Variants in SPATA7 observed in about 807,000 individuals in gnomAD.
The protein encoded by SPATA7 is spermatogenesis associated 7.
SPATA7 carries 43 observed loss-of-function variants against 51.8 expected under a neutral mutation model. The observed-to-expected ratio is 0.83, with a 90% CI of 0.65 to 1.07. SPATA7 has a LOEUF of 1.07. Ranked by LOEUF, SPATA7 falls within the 50% of genes least tolerant of loss-of-function variation. The pLI, the probability that SPATA7 is intolerant of heterozygous loss-of-function variation, is 0.00. For synonymous variants in SPATA7, 230 were observed against 252.8 expected (o/e 0.91, Z 0.86); for missense variants, 683 against 701.3 (o/e 0.97, Z 0.30).
intron 1 of SPATA7, 48 bp from the exon 2 acceptor site, chr14:88,391,333 G>C: frequency 7.1e-7 from 1 of 1,406,632 alleles, no homozygotes; most frequent in South Asian, 1.2e-5. Flanking sequence ...TTTTGTAAAA[G>C]TTGTGTTTCA....
At chr14:88,435,625 C>T (rs949550029) in intron 10 of SPATA7, among the ~76,000 whole-genome samples, 10 of 152,070 alleles carry the variant, frequency 6.6e-5, no homozygotes, top group African/African-American at 2.4e-4. Flanking sequence ...CTCTCTATGC[C>T]CATGAGTTCA....
At chr14:88,437,621 T>G (rs537125422) in intron 11 of SPATA7, 24 bp downstream of exon 11, 2 of 1,539,518 alleles carry the variant, frequency 1.3e-6, no homozygotes, top group East Asian at 4.5e-5. Context: ...TATAACTTCA[T>G]TAGAAAAATT....
intron 9 of SPATA7, chr14:88,432,522 A>G (rs904560765): frequency 6.6e-6 from 1 of 152,252 alleles, no homozygotes; most frequent in African/African-American, 2.4e-5. Flanking sequence ...AGTGTGTTCA[A>G]GTAGTTAAAA....
chr14:88,433,168 A>T lies in SPATA7; in HGVS notation c.1116A>T (p.Glu372Asp). ...EEELLYLSFI[E>D]DVTDEILKLG... ...AACTGTTGTATCTGAGTTTCATTGA[A>T]GATGTAACAGATGAAATTTTGAAAC... The change falls in exon 10 of 12, where the codon GAA becomes GAT. Residue 372 changes from glutamate (E) to aspartate (D), a missense_variant. By Grantham distance (45) the Glu-to-Asp change is conservative. Transcript: ENST00000393545. 1 of 1,611,780 alleles carries T rather than the reference A, an allele frequency of 6.2e-7. No individual in the cohort carries two copies. The highest frequency in any genetic ancestry group is 8.5e-7 in the Non-Finnish European group (1 of 1,179,398).
downstream of SPATA7, among the ~76,000 whole-genome samples, chr14:88,442,339 G>T (rs2077183683): frequency 6.6e-6 from 1 of 152,046 alleles, no homozygotes; most frequent in South Asian, 2.1e-4. Context: ...ACAGGCACCT[G>T]CCACCATGCC....
chr14:88,397,956 C>T (rs1021077968), intron 4 of SPATA7, among the ~76,000 whole-genome samples: 2 of 151,922 alleles, frequency 1.3e-5, no homozygotes, highest in Non-Finnish European at 2.9e-5. Flanking sequence ...GTGGTGGGCA[C>T]CTGTAGTCCC....
chr14:88,424,957 A>G (rs2076748287), intron 5 of SPATA7, among the ~76,000 whole-genome samples: 1 of 152,180 alleles, frequency 6.6e-6, no homozygotes, highest in Non-Finnish European at 1.5e-5. Context: ...TCCCAGAAAA[A>G]GAGTTAAAAT....
downstream of SPATA7, among the ~76,000 whole-genome samples, chr14:88,442,683 C>T (rs933012006): frequency 4.6e-5 from 7 of 151,976 alleles, no homozygotes; most frequent in East Asian, 1.9e-4. Context: ...CTGTTGGATT[C>T]GGTTAGCTAG....
intron 2 of SPATA7, chr14:88,391,808 A>G (rs2075754156): frequency 3.6e-6 from 1 of 274,776 alleles, no homozygotes; most frequent in South Asian, 4.0e-5. Context: ...AAAGCTGTGC[A>G]GAGAAAAAGA....
chr14:88,413,583 T>C (rs886331453), intron 4 of SPATA7, among the ~76,000 whole-genome samples: 4 of 152,222 alleles, frequency 2.6e-5, no homozygotes, highest in African/African-American at 9.6e-5. Flanking sequence ...AGTAGTATGT[T>C]GAATAAGAGT....
intron 5 of SPATA7, among the ~76,000 whole-genome samples, chr14:88,421,765 A>G (rs2076649989): frequency 6.6e-6 from 1 of 152,100 alleles, no homozygotes; most frequent in African/African-American, 2.4e-5. Flanking sequence ...CCTGGCCAAT[A>G]TGGTGAAACC....
chr14:88,385,975 T>C, intron 1 of SPATA7, 138 bp downstream of exon 1: 1 of 1,526,452 alleles, frequency 6.6e-7, no homozygotes, highest in Non-Finnish European at 8.8e-7. Context: ...CAGTGTTGCC[T>C]GGAGCTGCCC....
At chr14:88,434,359 G>A (rs2077019307) in intron 10 of SPATA7, among the ~76,000 whole-genome samples, 1 of 152,098 alleles carries the variant, frequency 6.6e-6, no homozygotes, top group Non-Finnish European at 1.5e-5. Context: ...TACAGATATA[G>A]AAAGATGTTA....
At chr14:88,426,787 C>A in intron 6 of SPATA7, 83 bp downstream of exon 6, 1 of 1,283,382 alleles carries the variant, frequency 7.8e-7, no homozygotes, top group Non-Finnish European at 1.1e-6. Flanking sequence ...TTTTCTGCTG[C>A]CAGCCTTAAG....
intron 4 of SPATA7, among the ~76,000 whole-genome samples, chr14:88,405,783 T>C (rs1296438983): frequency 6.6e-6 from 1 of 152,228 alleles, no homozygotes. Context: ...AGGAGGCAGT[T>C]GGAGTGCAAG....
At chr14:88,428,320 A>G (rs1437044419) in intron 7 of SPATA7, 1 of 152,140 alleles carries the variant, frequency 6.6e-6, no homozygotes, top group South Asian at 2.1e-4. Context: ...TGCTTATAAA[A>G]ATGGTTTGTC....
In SPATA7 at chr14:88,438,356, T is replaced by C; in HGVS notation, c.1734T>C (p.His578=). The C allele has an allele frequency of 6.2e-7, 1 of 1,614,114 alleles. No homozygotes were observed. The highest frequency in any genetic ancestry group is 8.5e-7 in the Non-Finnish European group (1 of 1,179,990). ...QFSSVKGDNN[H]DMELSTLKIM... ...CCAGTGTCAAAGGCGACAATAATCA[T>C]GACATGGAGTTATCAACTCTTAAAA... The change falls in exon 12 of 12, where the codon CAT becomes CAC. Residue 578 remains histidine (H), a synonymous_variant. Coordinates refer to ENST00000393545, the MANE Select transcript of SPATA7 (RefSeq NM_018418.5).
At chr14:88,416,525 A>C in intron 4 of SPATA7, 186 bp from the exon 5 acceptor site, 1 of 514,260 alleles carries the variant, frequency 1.9e-6, no homozygotes. Context: ...TAATATCTAG[A>C]GGCACATGTG....
chr14:88,438,182 G>A lies in SPATA7; in HGVS notation c.1560G>A (p.Leu520=). 6.2e-7 allele frequency: 1 copy of A among 1,613,648 alleles called. No individual in the cohort carries two copies. The highest frequency in any genetic ancestry group is 8.5e-7 in the Non-Finnish European group (1 of 1,179,806). Reference sequence around the variant, plus strand: ...AAACAAATCTTGAAACTTCAACTTTGGATGAAAATCATCCAAGTATTTCAG... The same window carrying A: ...AAACAAATCTTGAAACTTCAACTTTAGATGAAAATCATCCAAGTATTTCAG... ...NDETNLETST[L]DENHPSISDS... Residue 520 remains leucine (L), a synonymous_variant, in exon 12 of 12, where the codon TTG becomes TTA. Coordinates refer to ENST00000393545, the MANE Select transcript of SPATA7 (RefSeq NM_018418.5).
Sources: allele counts gnomAD v4.1 joint callset (sites outside exome capture counted in the v4.1 genomes callset), GRCh38; gene constraint gnomAD v4.1.1; transcripts MANE v1.5; gene names NCBI Gene and HGNC (gene_info 2026-07-23, HGNC 2026-07-21).